The following AFDN variants were observed in gnomAD, a reference collection of about 807,000 sequenced individuals.
AFDN encodes the protein afadin.
In AFDN, 68 loss-of-function variants were observed where a neutral mutation model predicts 216.6. That is an observed-to-expected ratio of 0.31 (90% CI 0.26 to 0.38). The LOEUF (loss-of-function observed/expected upper bound fraction) is 0.38. Ranked by LOEUF, AFDN falls within the 10% of genes least tolerant of loss-of-function variation. The pLI is 1.00. For synonymous variants in AFDN, 868 were observed against 853.7 expected (o/e 1.02, Z -0.29); for missense variants, 2,136 against 2,342.0 (o/e 0.91, Z 1.82).
At chr6:167,930,769 TC>T (rs1276688423) in intron 23 of AFDN, among the ~76,000 whole-genome samples, 1 of 152,196 alleles carries the variant, frequency 6.6e-6, no homozygotes. Context: ...CAATAAAACT[TC>T]ATAAAGAAAG....
At chr6:167,850,256 C>T (rs981943549) in intron 1 of AFDN, among the ~76,000 whole-genome samples, 2 of 152,130 alleles carry the variant, frequency 1.3e-5, no homozygotes, top group Non-Finnish European at 1.5e-5. Flanking sequence ...CCCAACCCCC[C>T]TCTCGCTCAT....
chr6:167,949,445 T>G (rs1053778653), intron 29 of AFDN, among the ~76,000 whole-genome samples: 3 of 152,166 alleles, frequency 2.0e-5, no homozygotes, highest in Non-Finnish European at 4.4e-5. Context: ...GGAGCCTGTT[T>G]TCTGACGGCA....
At chr6:167,933,126 TTAG>T (rs1446578028) in intron 23 of AFDN, among the ~76,000 whole-genome samples, 1 of 152,216 alleles carries the variant, frequency 6.6e-6, no homozygotes, top group Non-Finnish European at 1.5e-5. Context: ...TTTGGCCCCA[TTAG>T]GTGGTTTTAA....
intron 1 of AFDN, among the ~76,000 whole-genome samples, chr6:167,859,090 T>C (rs1311980233): frequency 1.3e-5 from 2 of 150,444 alleles, no homozygotes; most frequent in East Asian, 1.9e-4. Context: ...TTTTTTTTTT[T>C]CTTTTTCAAA....
chr6:167,838,894 AC>A (rs1287074154), intron 1 of AFDN, among the ~76,000 whole-genome samples: 1 of 152,234 alleles, frequency 6.6e-6, no homozygotes, highest in Admixed American at 6.5e-5. Flanking sequence ...ATAAACTAAG[AC>A]TACTCACTCT....
intron 3 of AFDN, among the ~76,000 whole-genome samples, chr6:167,871,443 C>T (rs1784788008): frequency 6.6e-6 from 1 of 152,198 alleles, no homozygotes; most frequent in Admixed American, 6.5e-5. Flanking sequence ...CAGTGCAGTG[C>T]TCCAAGTATC....
chr6:167,968,204 C>G (rs1797747837), intron 32 of AFDN, among the ~76,000 whole-genome samples: 1 of 152,190 alleles, frequency 6.6e-6, no homozygotes, highest in Non-Finnish European at 1.5e-5. Context: ...AAAAATGTCT[C>G]CATGCGGTAA....
chr6:167,916,226 T>C lies in AFDN; in HGVS notation c.2565+793T>C, dbSNP rs191748533. Reference sequence around the variant, plus strand: ...TCGTACGGCATTCTCCTTGTTTGCCTGTCTGTGTCCGAAAGACTGCTTTCT... The same window carrying C: ...TCGTACGGCATTCTCCTTGTTTGCCCGTCTGTGTCCGAAAGACTGCTTTCT... On this transcript the variant is annotated intron_variant, in intron 19 of 33. Coordinates refer to ENST00000683244, the MANE Select transcript of AFDN (RefSeq NM_001386888.1). Among the ~76,000 whole-genome samples, 46 of 152,352 alleles carry C rather than the reference T, an allele frequency of 3.0e-4. No individual in the cohort carries two copies. In the East Asian group the frequency reaches 6.0e-3, roughly 20 times the overall value.
chr6:167,954,512 C>A (rs758702680), intron 30 of AFDN: 159 of 1,597,304 alleles, frequency 1.0e-4, no homozygotes, highest in Non-Finnish European at 1.3e-4. Flanking sequence ...TTGTTTCTTT[C>A]CCTTTGGTAC....
chr6:167,962,367 T>G lies in AFDN; in HGVS notation c.4834-66T>G. ...GTATATGTGTGTCTACTTGTCTTAA[T>G]GTGTGCATTTTATGTCTTGTGCTGG... On this transcript the variant is annotated intron_variant, in intron 30 of 33. Transcript: ENST00000683244. The surrounding 1 kb of genome is among the most constrained non-coding windows in gnomAD (Gnocchi z 5.2). The G allele has an allele frequency of 6.2e-7, 1 of 1,603,736 alleles. No homozygotes were observed. Among genetic ancestry groups the G allele is most frequent in the Non-Finnish European group, 8.5e-7 (1 of 1,174,126 alleles).
rs1180806032 is a variant in AFDN at position 167,943,413 on chromosome 6, A to G, written c.3177A>G (p.Leu1059=). 1.2e-6 allele frequency: 2 copies of G among 1,614,064 alleles called. No individual in the cohort carries two copies. The highest frequency in any genetic ancestry group is 1.3e-5 in the African/African-American group (1 of 74,942). The change falls in exon 25 of 34, where the codon CTA becomes CTG. Residue 1059 remains leucine (L), a synonymous_variant. Transcript: ENST00000683244. ...KGGAADVDGR[L]AAGDQLLSVD... ...GTGGATTTGCCTAGGATGGACGTCTAGCTGCAGGTGATCAGCTCCTCAGTG... is the reference window on the plus strand; with the variant it reads ...GTGGATTTGCCTAGGATGGACGTCTGGCTGCAGGTGATCAGCTCCTCAGTG...
rs912234276 is a variant in AFDN at position 167,864,895 on chromosome 6, A to G, written c.301+149A>G. ...GTAGGAGAGTAGCTGGCAGGCTGAG[A>G]AAACTGTTTTATGTCTGGGAAGTGT... On this transcript the variant is annotated intron_variant, in intron 2 of 33. Transcript: ENST00000683244. 1.4e-5 allele frequency: 12 copies of G among 838,154 alleles called. No individual in the cohort carries two copies. The African/African-American group carries it at 1.7e-4, about 12-fold the overall frequency. 51.9% of individuals were successfully genotyped at this position (838,154 alleles called of 1,614,324 possible). A position where few individuals can be genotyped will look rare whatever the true frequency, so the allele number is the denominator to read the frequency against.
intron 31 of AFDN, chr6:167,963,846 G>C (rs780401970): frequency 6.6e-6 from 7 of 1,063,992 alleles, no homozygotes; most frequent in Non-Finnish European, 6.8e-6. Context: ...TGATGTCTAA[G>C]TGTTGGTGGT....
chr6:167,902,267 T>C, intron 11 of AFDN, 50 bp from the exon 12 acceptor site: 2 of 1,331,488 alleles, frequency 1.5e-6, no homozygotes, highest in Admixed American at 1.7e-5. Context: ...AGACTATGCC[T>C]GTCATTGGAA....
At chr6:167,870,233 TAAAAC>T (rs1438958532) in intron 2 of AFDN, 148 bp from the exon 3 acceptor site, 2 of 509,060 alleles carry the variant, frequency 3.9e-6, no homozygotes, top group African/African-American at 2.0e-5. Flanking sequence ...TTGAATTAAT[TAAAAC>T]AAATGATTTT....
chr6:167,917,359 T>A (rs961427204), intron 20 of AFDN, 127 bp downstream of exon 20: 1 of 1,039,092 alleles, frequency 9.6e-7, no homozygotes, highest in Non-Finnish European at 1.3e-6. Flanking sequence ...CAAGATCATT[T>A]TCGTGTTGCT....
intron 3 of AFDN, among the ~76,000 whole-genome samples, chr6:167,871,146 G>A (rs1784748569): frequency 7.2e-6 from 1 of 139,152 alleles, no homozygotes; most frequent in South Asian, 2.2e-4. Flanking sequence ...GGAAAAGGCT[G>A]TCGTTAATCA....
Position 167,962,923 on chromosome 6 carries a change from G to C in AFDN, c.4968+356G>C, listed in dbSNP as rs2128748469. 8.8e-7 allele frequency: 1 copy of C among 1,141,798 alleles called. No individual in the cohort carries two copies. The highest frequency in any genetic ancestry group is 1.5e-5 in the African/African-American group (1 of 65,558). The allele number at this position is 1,141,798 out of a possible 1,614,324, so 70.7% of individuals were successfully genotyped here. A position where few individuals can be genotyped will look rare whatever the true frequency, so the allele number is the denominator to read the frequency against. ...TGAAGGTGACATTGGTTCAGTGATT[G>C]CTTAAATGGCATGTGGACCGTGGGA... is the stretch of plus-strand genomic sequence containing the variant. On this transcript the variant is annotated intron_variant, in intron 31 of 33. Coordinates refer to ENST00000683244, the MANE Select transcript of AFDN (RefSeq NM_001386888.1). This position sits in a 1 kb window ranked among gnomAD's most constrained non-coding sequence, Gnocchi z 5.2.
rs1177966346 is a variant in AFDN at position 167,943,930 on chromosome 6, TC to T, written c.3240-10del. 1 of 1,612,538 alleles carries T rather than the reference TC, an allele frequency of 6.2e-7. No homozygotes were observed. The highest frequency in any genetic ancestry group is 2.2e-5 in the East Asian group (1 of 44,878). ...TTAGTCTTTCTTACATGTGTAATCT[TC>T]TTCTCCTAGGGCGGCAGAACTCATG... On this transcript the variant is annotated splice_polypyrimidine_tract_variant and intron_variant, in intron 25 of 33. Transcript: ENST00000683244.
Sources: gnomAD v4.1 joint callset for allele counts (sites outside exome capture counted in the v4.1 genomes callset) on GRCh38, gnomAD v4.1.1 for gene constraint, Gnocchi (gnomAD v3.1) non-coding constraint, MANE v1.5 for transcripts, NCBI Gene and HGNC (gene_info 2026-07-23, HGNC 2026-07-21) for gene names.